The following SH2D4A variants were observed in gnomAD, a reference collection of about 807,000 sequenced individuals.
The protein encoded by SH2D4A is SH2 domain containing 4A, also known as SH2 domain-containing protein 4A.
In SH2D4A, 70 loss-of-function variants were observed where a neutral mutation model predicts 64.7. The observed-to-expected ratio is 1.08, with a 90% CI of 0.89 to 1.32. SH2D4A has a LOEUF of 1.32. SH2D4A is among the 40% of genes most tolerant of loss of function. The pLI, the probability that SH2D4A is intolerant of heterozygous loss-of-function variation, is 0.00. For missense variants in SH2D4A, 706 were observed against 540.1 expected (o/e 1.31, Z -3.04); for synonymous variants, 268 against 200.7 (o/e 1.34, Z -2.83).
At chr8:19,317,117 T>G (rs905014651) in intron 1 of SH2D4A, among the ~76,000 whole-genome samples, 4 of 152,208 alleles carry the variant, frequency 2.6e-5, no homozygotes, top group Non-Finnish European at 4.4e-5. Context: ...CTGTTCATCT[T>G]CTGCCGTGTG....
chr8:19,378,795 C>T (rs2053238508), intron 8 of SH2D4A, among the ~76,000 whole-genome samples: 1 of 151,320 alleles, frequency 6.6e-6, no homozygotes, highest in Non-Finnish European at 1.5e-5. Context: ...TCTATAATCC[C>T]AGCACTTTGG....
chr8:19,317,891 ATTTCTTTTTTT>A (rs2052116280), intron 1 of SH2D4A, among the ~76,000 whole-genome samples: 1 of 151,812 alleles, frequency 6.6e-6, no homozygotes, highest in Non-Finnish European at 1.5e-5. Flanking sequence ...TTATTGGTCA[ATTTCTTTTTTT>A]TTTCTTTTTT....
chr8:19,363,127 GTGCGA>G (rs1465985520), intron 6 of SH2D4A, among the ~76,000 whole-genome samples: 31 of 152,186 alleles, frequency 2.0e-4, no homozygotes, highest in African/African-American at 7.0e-4. Flanking sequence ...CCAGGCTGGA[GTGCGA>G]TGGTGTGATC....
chr8:19,383,720 T>G (rs1766439664), intron 8 of SH2D4A, among the ~76,000 whole-genome samples: 1 of 152,164 alleles, frequency 6.6e-6, no homozygotes, highest in Admixed American at 6.6e-5. Context: ...AGCTTCTTTT[T>G]TAGCCTGTAT....
intron 5 of SH2D4A, among the ~76,000 whole-genome samples, chr8:19,359,423 T>C (rs2052844235): frequency 6.6e-6 from 1 of 152,248 alleles, no homozygotes; most frequent in Non-Finnish European, 1.5e-5. Flanking sequence ...ATATCCATGA[T>C]GATCATAGCT....
intron 2 of SH2D4A, among the ~76,000 whole-genome samples, chr8:19,320,784 A>C (rs2052176352): frequency 6.6e-6 from 1 of 152,168 alleles, no homozygotes; most frequent in African/African-American, 2.4e-5. Context: ...AAGTTGTGAA[A>C]ACACAGCACA....
At chr8:19,327,994 C>T (rs146754431) in intron 2 of SH2D4A, among the ~76,000 whole-genome samples, 8 of 152,208 alleles carry the variant, frequency 5.3e-5, no homozygotes, top group Non-Finnish European at 1.0e-4. Flanking sequence ...TCCCTTTCCT[C>T]TCTCAGCAAC....
intron 7 of SH2D4A, among the ~76,000 whole-genome samples, chr8:19,370,779 T>C (rs948139003): frequency 2.6e-5 from 4 of 152,140 alleles, no homozygotes; most frequent in African/African-American, 9.7e-5. Context: ...ATTTTCCTTC[T>C]TATTTTCTAG....
chr8:19,340,052 A>G (rs1207790413), intron 4 of SH2D4A, among the ~76,000 whole-genome samples: 2 of 152,180 alleles, frequency 1.3e-5, no homozygotes, highest in African/African-American at 4.8e-5. Flanking sequence ...CCCCAATTAC[A>G]TTAGCACTGG....
At chr8:19,349,215 C>G (rs544209336) in intron 4 of SH2D4A, among the ~76,000 whole-genome samples, 2 of 152,260 alleles carry the variant, frequency 1.3e-5, no homozygotes, top group African/African-American at 4.8e-5. Flanking sequence ...CTTATTAATT[C>G]AAGAGTGGAG....
At chr8:19,376,882 C>G (rs1382214488) in intron 8 of SH2D4A, among the ~76,000 whole-genome samples, 4 of 152,088 alleles carry the variant, frequency 2.6e-5, no homozygotes, top group Non-Finnish European at 5.9e-5. Flanking sequence ...TCTCAGAAAT[C>G]CTCAAAACCA....
Position 19,357,273 on chromosome 8 carries a change from C to G in SH2D4A, c.584C>G (p.Ala195Gly), listed in dbSNP as rs762679844. The change falls in exon 5 of 10, where the codon GCA becomes GGA. Residue 195 changes from alanine to glycine, a missense_variant. By Grantham distance (60) the Ala-to-Gly change is moderately conservative. Transcript: ENST00000265807. The stretch of plus-strand genomic sequence containing the variant: ...TCAATCAATCGTATGAAGGCATATG[C>G]ATTTCACCAGGTAAAAGACTTCCCT... ...ADSINRMKAY[A>G]FHQKKESMKK... 43 of 1,612,624 alleles carry G rather than the reference C, an allele frequency of 2.7e-5. No individual in the cohort carries two copies. The South Asian group carries it at 4.4e-4, about 16-fold the overall frequency.
chr8:19,390,835 C>G (rs761519611), intron 8 of SH2D4A, among the ~76,000 whole-genome samples: 5 of 152,170 alleles, frequency 3.3e-5, no homozygotes, highest in Admixed American at 6.5e-5. Context: ...TGGAAAGTTT[C>G]AGTTACAGTC....
chr8:19,376,680 A>C (rs1563208670), intron 8 of SH2D4A, among the ~76,000 whole-genome samples: 1 of 152,144 alleles, frequency 6.6e-6, no homozygotes, highest in Non-Finnish European at 1.5e-5. Context: ...TCCCAGAGAC[A>C]TCCAGAATAA....
At chr8:19,369,592 T>G (rs748047157) in intron 7 of SH2D4A, among the ~76,000 whole-genome samples, 4 of 152,122 alleles carry the variant, frequency 2.6e-5, no homozygotes, top group Non-Finnish European at 4.4e-5. Context: ...TTTATTGATT[T>G]ACTTCCAAGT....
At chr8:19,377,232 A>G (rs775871721) in intron 8 of SH2D4A, among the ~76,000 whole-genome samples, 3 of 152,064 alleles carry the variant, frequency 2.0e-5, no homozygotes, top group Non-Finnish European at 2.9e-5. Context: ...AAATCCAAAC[A>G]TGACCTGGAT....
chr8:19,392,332 G>A (rs1318773693), intron 8 of SH2D4A, among the ~76,000 whole-genome samples: 1 of 152,162 alleles, frequency 6.6e-6, no homozygotes, highest in African/African-American at 2.4e-5. Context: ...ACTTGGCTCT[G>A]TCACTAAATT....
At chr8:19,371,537 T>C (rs2053095986) in intron 7 of SH2D4A, among the ~76,000 whole-genome samples, 2 of 152,188 alleles carry the variant, frequency 1.3e-5, no homozygotes, top group African/African-American at 4.8e-5. Context: ...TTATAATATG[T>C]CTTGGGGTAT....
At chr8:19,384,060 T>C (rs995073902) in intron 8 of SH2D4A, among the ~76,000 whole-genome samples, 7 of 152,240 alleles carry the variant, frequency 4.6e-5, no homozygotes, top group Non-Finnish European at 7.3e-5. Flanking sequence ...CCCTTTCTTT[T>C]CGTATCATTT....
Sources: allele counts gnomAD v4.1 joint callset (sites outside exome capture counted in the v4.1 genomes callset), GRCh38; gene constraint gnomAD v4.1.1; transcripts MANE v1.5; gene names NCBI Gene and HGNC (gene_info 2026-07-23, HGNC 2026-07-21).